RYR1: variants seen among roughly 807,000 people sequenced by gnomAD.
RYR1 encodes the protein central core disease of muscle.
A neutral mutation model predicts 583.5 loss-of-function variants in RYR1; 342 were observed. That is an observed-to-expected ratio of 0.59 (90% CI 0.54 to 0.64). RYR1 has a LOEUF of 0.64. RYR1 is among the 30% of genes least tolerant of loss of function. RYR1 has a pLI of 0.00. For missense variants in RYR1, 6,032 were observed against 6,917.2 expected, an observed-to-expected ratio of 0.87 and a Z score of 4.54; for synonymous variants, 2,791 against 2,822.5, an observed-to-expected ratio of 0.99 and a Z score of 0.35.
At position 38,475,420 on chromosome 19, in the gene RYR1, T is replaced by A. The variant is rs1568472360; in HGVS notation, c.4263T>A (p.Asp1421Glu). ...ACGTGGTGCCTGCAGACAACCGCGA[T>A]GACCCCGAGATCATCCTCAACACCA... Reference protein sequence around the residue: ...PHDVVPADNRDDPEIILNTTT... With the variant: ...PHDVVPADNREDPEIILNTTT... The change falls in exon 29 of 106, where the codon GAT (aspartate) becomes GAA (glutamate). Residue 1421 changes from aspartate to glutamate, a missense_variant. By Grantham distance (45) the Asp-to-Glu change is conservative. This residue lies in a region of RYR1 where 2,627 missense variants were observed against 2,961.3 expected (regional missense o/e 0.89). Coordinates refer to ENST00000359596, the MANE Select transcript of RYR1 (RefSeq NM_000540.3). 1.2e-6 allele frequency: 2 copies of A among 1,613,928 alleles called. No homozygotes were observed. The highest frequency in any genetic ancestry group is 1.7e-6 in the Non-Finnish European group (2 of 1,180,034).
At chr19:38,528,521 T>A (rs370302628) in intron 74 of RYR1, 78 bp from the exon 75 acceptor site, 1 of 1,594,706 alleles carries the variant, frequency 6.3e-7, no homozygotes. Flanking sequence ...TGAGGGTGGT[T>A]GGGGGCTGCA....
chr19:38,439,911 A>G (rs150349830), intron 1 of RYR1, among the ~76,000 whole-genome samples: 8 of 152,320 alleles, frequency 5.3e-5, no homozygotes, highest in Non-Finnish European at 1.0e-4. Context: ...ATAGCAGTCT[A>G]TTATTAAAAC....
Position 38,527,004 on chromosome 19 carries a change from TGAG to T in RYR1, c.10643_10645del (p.Glu3548del). On this transcript the variant is annotated inframe_deletion, in exon 72 of 106. Transcript: ENST00000359596. ...CTCTGTCTCCCCAGAAAGACACAGA[TGAG>T]GAGGTCCGGGAATTTCTGCACAACA... is the stretch of plus-strand genomic sequence containing the variant. The T allele has an allele frequency of 6.2e-7, 1 of 1,613,804 alleles. No homozygotes were observed. Among genetic ancestry groups the T allele is most frequent in the Non-Finnish European group, 8.5e-7 (1 of 1,179,864 alleles).
Position 38,442,472 on chromosome 19 carries a change from G to C in RYR1, c.270+19G>C, listed in dbSNP as rs749000782. 1.9e-6 allele frequency: 3 copies of C among 1,590,114 alleles called. No individual in the cohort carries two copies. The South Asian group carries it at 3.3e-5, about 18-fold the overall frequency. On this transcript the variant is annotated intron_variant, in intron 3 of 105. Transcript: ENST00000359596. ...CGTGGAGGTGAGGACCCCACCTGGG[G>C]GTGGGCGGGGTGGCAGAGATGGGCG...
rs1974409110 is a variant in RYR1 at position 38,585,050 on chromosome 19, C to T, written c.14754C>T (p.Asp4918=). The change falls in exon 102 of 106, where the codon GAC becomes GAT. Residue 4918 remains aspartate (D), a synonymous_variant. Transcript: ENST00000359596. ...ACGAGCTCTACAGGGTGGTCTTCGA[C>T]ATCACCTTCTTCTTCTTCGTCATCG... The part of the protein sequence containing the change: ...DEYELYRVVF[D]ITFFFFVIVI... 1.2e-6 allele frequency: 2 copies of T among 1,614,036 alleles called. No individual in the cohort carries two copies. Among genetic ancestry groups the T allele is most frequent in the Middle Eastern group, 1.6e-4 (1 of 6,062 alleles).
Position 38,496,593 on chromosome 19 carries a change from C to T in RYR1, c.6796+52C>T, listed in dbSNP as rs1343337234. 1.2e-6 allele frequency: 2 copies of T among 1,604,898 alleles called. No homozygotes were observed. Among genetic ancestry groups the T allele is most frequent in the Non-Finnish European group, 1.7e-6 (2 of 1,173,562 alleles). ...TCCCCCAGAACCCACTCCTGGCACC[C>T]CGTCCAGGCCTGCCCCACTTTCCAC... On this transcript the variant is annotated intron_variant, in intron 41 of 105. Transcript: ENST00000359596. The surrounding 1 kb of genome is among the most constrained non-coding windows in gnomAD (Gnocchi z 4.8).
chr19:38,499,666 G>T lies in RYR1; in HGVS notation c.7059G>T (p.Val2353=), dbSNP rs777800935. 29 of 1,599,362 alleles carry T rather than the reference G, an allele frequency of 1.8e-5. No homozygotes were observed. In the South Asian group the frequency reaches 3.1e-4, roughly 17 times the overall value. ...GCGTGGAGGAGAACGCCAATGTGGTGGTGCGGCTGCTCATCCGGAAGCCTG... is the reference window on the plus strand; with the variant it reads ...GCGTGGAGGAGAACGCCAATGTGGTTGTGCGGCTGCTCATCCGGAAGCCTG... ...GESVEENANV[V]VRLLIRKPEC... is the part of the protein sequence containing the mutation. The change falls in exon 44 of 106, where the codon GTG becomes GTT. Residue 2353 remains valine (V), a synonymous_variant. Transcript: ENST00000359596. The surrounding 1 kb of genome is among the most constrained non-coding windows in gnomAD (Gnocchi z 7.3).
Position 38,494,515 on chromosome 19 carries a change from G to A in RYR1, c.6438G>A (p.Pro2146=), listed in dbSNP as rs376809406. The A allele has an allele frequency of 8.7e-6, 14 of 1,613,774 alleles. 1 individual carries two copies. Among genetic ancestry groups the A allele is most frequent in the East Asian group, 6.7e-5 (3 of 44,880 alleles). The part of the protein sequence containing the change: ...RALPRAYTIS[P]SSVEDTMSLL... ...TGCCGCGGGCGTACACCATCTCACCGTCCTCCGTGGAAGACACCATGAGCC... is the reference window on the plus strand; with the variant it reads ...TGCCGCGGGCGTACACCATCTCACCATCCTCCGTGGAAGACACCATGAGCC... Residue 2146 remains proline, a synonymous_variant, in exon 39 of 106, where the codon CCG becomes CCA. Coordinates refer to ENST00000359596, the MANE Select transcript of RYR1 (RefSeq NM_000540.3).
intron 89 of RYR1, among the ~76,000 whole-genome samples, 199 bp downstream of exon 89, chr19:38,548,619 C>T (rs541982209): frequency 1.3e-5 from 2 of 152,298 alleles, no homozygotes; most frequent in African/African-American, 4.8e-5. Flanking sequence ...TTCTCTGTTG[C>T]CCAGGCTGGA....
intron 48 of RYR1, 73 bp from the exon 49 acceptor site, chr19:38,502,805 AGG>A (rs1970235687): frequency 1.1e-5 from 5 of 472,730 alleles, no homozygotes; most frequent in African/African-American, 7.2e-5. Context: ...GGGCAGGGGC[AGG>A]GGGAGGAGCA....
chr19:38,516,148 C>T lies in RYR1; in HGVS notation c.9616C>T (p.Leu3206=). The T allele has an allele frequency of 6.4e-7, 1 of 1,554,522 alleles. No homozygotes were observed. The highest frequency in any genetic ancestry group is 8.7e-7 in the Non-Finnish European group (1 of 1,149,046). ...RLAAAMPVAF[L]EPQLNEYNAC... ...GGCAGCAGCCATGCCGGTGGCGTTC[C>T]TGGAGCCGCAGCTGAACGAGTACAA... is the stretch of plus-strand genomic sequence containing the variant. The change falls in exon 65 of 106, where the codon CTG becomes TTG. Residue 3206 remains leucine, a synonymous_variant. Coordinates refer to ENST00000359596, the MANE Select transcript of RYR1 (RefSeq NM_000540.3).
At position 38,504,759 on chromosome 19, in the gene RYR1, G is replaced by C. The variant is rs368063600; in HGVS notation, c.8079G>C (p.Pro2693=). ...FDSLAHKKYD[P]ELYRMAMPCL... ...CCCGGTTTTCCCAGAAATACGACCC[G>C]GAGCTGTACCGCATGGCCATGCCTT... The change falls in exon 51 of 106, where the codon CCG becomes CCC. Residue 2693 remains proline (P), a synonymous_variant. Transcript: ENST00000359596. The C allele has an allele frequency of 4.3e-6, 7 of 1,614,028 alleles. No homozygotes were observed. The African/African-American group carries it at 8.0e-5, about 18-fold the overall frequency.
At position 38,504,451 on chromosome 19, in the gene RYR1, G is replaced by A. The variant is rs1368162251; in HGVS notation, c.8067+91G>A. 4.0e-6 allele frequency: 6 copies of A among 1,491,930 alleles called. No individual in the cohort carries two copies. The Admixed American group carries it at 7.8e-5, about 19-fold the overall frequency. The allele number at this position is 1,491,930 out of a possible 1,614,324, so 92.4% of individuals were successfully genotyped here. On this transcript the variant is annotated intron_variant, in intron 50 of 105. Coordinates refer to ENST00000359596, the MANE Select transcript of RYR1 (RefSeq NM_000540.3). ...AGAGTGAAATCCCTCAATTTTGGGG[G>A]GTTCAAGGAGGAGAAGGTTCTGCAA...
chr19:38,506,612 T>A, intron 56 of RYR1, 66 bp downstream of exon 56: 1 of 1,580,268 alleles, frequency 6.3e-7, no homozygotes, highest in Non-Finnish European at 8.7e-7. Flanking sequence ...GCTGATTGCC[T>A]TCATGCCCCT....
At chr19:38,513,490 A>C (rs1273792857) in intron 63 of RYR1, among the ~76,000 whole-genome samples, 1 of 152,152 alleles carries the variant, frequency 6.6e-6, no homozygotes, top group African/African-American at 2.4e-5. Flanking sequence ...AAAAAAAAGA[A>C]GAAAAGAAAA....
At position 38,586,202 on chromosome 19, in the gene RYR1, A is replaced by C. The variant is rs1974479955; in HGVS notation, c.14969+11A>C. The C allele has an allele frequency of 6.2e-7, 1 of 1,611,770 alleles. No individual in the cohort carries two copies. Among genetic ancestry groups the C allele is most frequent in the Admixed American group, 1.7e-5 (1 of 59,896 alleles). ...CCTGGCCAATTACATGTGAGCAGAC[A>C]CACTGGCCAGTCAGGAGGGTGGGGG... is the stretch of plus-strand genomic sequence containing the variant. On this transcript the variant is annotated intron_variant, in intron 104 of 105. Coordinates refer to ENST00000359596, the MANE Select transcript of RYR1 (RefSeq NM_000540.3).
intron 13 of RYR1, among the ~76,000 whole-genome samples, chr19:38,453,769 G>C (rs1203035797): frequency 2.6e-5 from 4 of 151,980 alleles, no homozygotes; most frequent in African/African-American, 9.7e-5. Context: ...CGGGTGTTTG[G>C]CATGTTCCAG....
At chr19:38,566,881 A>C (rs775835869) in intron 91 of RYR1, 30 bp from the exon 92 acceptor site, 1 of 1,588,842 alleles carries the variant, frequency 6.3e-7, no homozygotes, top group Non-Finnish European at 8.6e-7. Context: ...TAGGGTGAGG[A>C]CTCAGCCCTG....
At chr19:38,517,288 C>A in intron 65 of RYR1, 71 bp from the exon 66 acceptor site, 3 of 1,480,098 alleles carry the variant, frequency 2.0e-6, no homozygotes, top group African/African-American at 1.4e-5. Flanking sequence ...TGATGTATTG[C>A]GGGGGAGGCC....
Sources: allele counts gnomAD v4.1 joint callset (sites outside exome capture counted in the v4.1 genomes callset), GRCh38; gene constraint gnomAD v4.1.1; regional missense constraint gnomAD v4.1.1; non-coding constraint Gnocchi (gnomAD v3.1); transcripts MANE v1.5; gene names NCBI Gene and HGNC (gene_info 2026-07-23, HGNC 2026-07-21).